SAMMSON: variants seen among roughly 807,000 people sequenced by gnomAD.
The protein encoded by SAMMSON is survival associated mitochondrial melanoma specific oncogenic non-coding RNA.
chr3:70,201,051 T>G (rs1290192510), intron 4 of SAMMSON, among the ~76,000 whole-genome samples: 1 of 152,176 alleles, frequency 6.6e-6, no homozygotes, highest in African/African-American at 2.4e-5. Flanking sequence ...TTTAAATTCT[T>G]TTTTTAACAT....
intron 6 of SAMMSON, among the ~76,000 whole-genome samples, chr3:70,276,790 A>G (rs1414038326): frequency 6.6e-6 from 1 of 152,242 alleles, no homozygotes. Context: ...GACAAAGACT[A>G]CATGGCCCAC....
chr3:70,142,670 C>G (rs1364095183), intron 4 of SAMMSON, among the ~76,000 whole-genome samples: 1 of 151,970 alleles, frequency 6.6e-6, no homozygotes, highest in Non-Finnish European at 1.5e-5. Context: ...ACCACCAGTT[C>G]CCCAATAACC....
At chr3:70,371,546 G>T (rs1286262583) in intron 9 of SAMMSON, among the ~76,000 whole-genome samples, 1 of 151,748 alleles carries the variant, frequency 6.6e-6, no homozygotes, top group East Asian at 1.9e-4. Context: ...TTTTGTAGAG[G>T]TCTGCCACTT....
chr3:70,406,284 G>A (rs1394051412), intron 2 of SAMMSON, among the ~76,000 whole-genome samples: 1 of 152,066 alleles, frequency 6.6e-6, no homozygotes, highest in Non-Finnish European at 1.5e-5. Flanking sequence ...TCATTTAAGT[G>A]CTGAAAGAAA....
At chr3:70,431,059 C>T (rs1701409044) in intron 2 of SAMMSON, among the ~76,000 whole-genome samples, 1 of 152,010 alleles carries the variant, frequency 6.6e-6, no homozygotes. Context: ...TATTTGGACA[C>T]TCTGTTGAGT....
intron 6 of SAMMSON, among the ~76,000 whole-genome samples, chr3:70,250,582 C>G (rs189191344): frequency 1.3e-5 from 2 of 152,108 alleles, no homozygotes; most frequent in Admixed American, 6.6e-5. Flanking sequence ...GAAAAATAGT[C>G]TCTGAGCAGC....
At chr3:70,126,424 C>CTTT in intron 4 of SAMMSON, 1 of 739,970 alleles carries the variant, frequency 1.4e-6, no homozygotes, top group Non-Finnish European at 2.4e-6. Context: ...TATGTTTCAG[C>CTTT]TGCCCCTTAT....
intron 4 of SAMMSON, among the ~76,000 whole-genome samples, chr3:70,213,477 C>T (rs1158836331): frequency 6.6e-6 from 1 of 151,980 alleles, no homozygotes; most frequent in Non-Finnish European, 1.5e-5. Context: ...TATGTTTTCC[C>T]TTGGATTTAA....
At position 70,065,056 on chromosome 3, in the gene SAMMSON, AAAG is replaced by A. The variant is rs201515417; in HGVS notation, n.418-6412_418-6410del. On this transcript the variant is annotated intron_variant and non_coding_transcript_variant, in intron 3 of 9. Transcript: ENST00000642114. ...GTTTACATTGGTTGGAAACTAATTTAAAGAAGAAGACTCAAAGTTGGTGCTGAT... is the reference window on the plus strand; with the variant it reads ...GTTTACATTGGTTGGAAACTAATTTAAAGAAGACTCAAAGTTGGTGCTGAT... Among the ~76,000 whole-genome samples, 45 of 152,294 alleles carry A rather than the reference AAAG, an allele frequency of 3.0e-4. 2 individuals carry two copies. In the East Asian group the frequency reaches 7.9e-3, roughly 27 times the overall value.
chr3:70,046,742 G>T (rs1275130739), intron 3 of SAMMSON, among the ~76,000 whole-genome samples: 1 of 152,148 alleles, frequency 6.6e-6, no homozygotes, highest in Admixed American at 6.6e-5. Flanking sequence ...CATGGTGTTG[G>T]CAGGGCTAAA....
At chr3:70,220,153 T>G (rs1701449065) in intron 4 of SAMMSON, among the ~76,000 whole-genome samples, 1 of 152,170 alleles carries the variant, frequency 6.6e-6, no homozygotes, top group Admixed American at 6.5e-5. Context: ...AGTGGTGAGA[T>G]GTATTAAAAT....
intron 6 of SAMMSON, among the ~76,000 whole-genome samples, chr3:70,260,818 C>G (rs1337650328): frequency 2.0e-5 from 3 of 152,094 alleles, no homozygotes; most frequent in Admixed American, 2.0e-4. Context: ...GGTTCCCAGA[C>G]ATCTGCCCAC....
intron 4 of SAMMSON, among the ~76,000 whole-genome samples, chr3:70,107,450 G>A (rs2067371114): frequency 6.6e-6 from 1 of 152,142 alleles, no homozygotes; most frequent in Non-Finnish European, 1.5e-5. Context: ...GGCAATGGTT[G>A]CCAATAACCC....
intron 3 of SAMMSON, among the ~76,000 whole-genome samples, chr3:70,064,435 A>G (rs76196467): frequency 0.015 from 2,278 of 152,256 alleles, 29 homozygotes; most frequent in Middle Eastern, 0.051. Context: ...TTCAAGGAAT[A>G]ATATTGCAAT....
intron 6 of SAMMSON, among the ~76,000 whole-genome samples, chr3:70,267,182 A>T (rs1701923507): frequency 6.6e-6 from 1 of 152,140 alleles, no homozygotes; most frequent in Admixed American, 6.5e-5. Context: ...TAGGGATTTT[A>T]TACTTAATTC....
chr3:70,237,264 C>A (rs894603660), intron 4 of SAMMSON, among the ~76,000 whole-genome samples: 2 of 152,192 alleles, frequency 1.3e-5, no homozygotes, highest in African/African-American at 4.8e-5. Flanking sequence ...AGAATTACTG[C>A]ATCATATTCT....
At chr3:70,305,509 G>C (rs915594177) in intron 7 of SAMMSON, among the ~76,000 whole-genome samples, 1 of 152,154 alleles carries the variant, frequency 6.6e-6, no homozygotes. Flanking sequence ...GAGAGAATTA[G>C]ATTGGATTAA....
intron 4 of SAMMSON, among the ~76,000 whole-genome samples, chr3:70,089,170 G>A (rs781368650): frequency 5.9e-5 from 9 of 152,228 alleles, no homozygotes; most frequent in Non-Finnish European, 1.2e-4. Context: ...TTCCCAAGAA[G>A]ATAGGTTTAT....
intron 4 of SAMMSON, chr3:70,124,972 G>A (rs1323797796): frequency 1.6e-6 from 1 of 634,820 alleles, no homozygotes; most frequent in African/African-American, 1.8e-5. Context: ...AAGCTGTTAT[G>A]CACAGTTCCA....
Sources: allele counts gnomAD v4.1 joint callset (sites outside exome capture counted in the v4.1 genomes callset), GRCh38; gene constraint gnomAD v4.1.1; transcripts MANE v1.5; gene names NCBI Gene and HGNC (gene_info 2026-07-23, HGNC 2026-07-21).